Variants in TMEM178B observed in about 807,000 individuals in gnomAD.
The protein encoded by TMEM178B is transmembrane protein 178B.
TMEM178B carries 5 observed loss-of-function variants against 31.0 expected under a neutral mutation model. That is an observed-to-expected ratio of 0.16 (90% CI 0.08 to 0.34). The LOEUF (loss-of-function observed/expected upper bound fraction) is 0.34, where lower values mean the gene tolerates loss of function less well. Ranked by LOEUF, TMEM178B falls within the 10% of genes least tolerant of loss-of-function variation. TMEM178B has a pLI of 1.00. For synonymous variants in TMEM178B, 164 were observed against 164.0 expected, an observed-to-expected ratio of 1.00 and a Z score of 0.00; for missense variants, 275 against 400.3, an observed-to-expected ratio of 0.69 and a Z score of 2.67.
chr7:141,084,972 G>T (rs763715199), intron 1 of TMEM178B, among the ~76,000 whole-genome samples: 1 of 151,556 alleles, frequency 6.6e-6, no homozygotes, highest in Non-Finnish European at 1.5e-5. Flanking sequence ...TCCGCCTCCC[G>T]GGTTCAAGTG....
At chr7:141,382,948 A>G (rs993279759) in intron 2 of TMEM178B, among the ~76,000 whole-genome samples, 11 of 152,174 alleles carry the variant, frequency 7.2e-5, no homozygotes, top group African/African-American at 2.7e-4. Flanking sequence ...CCTTTCAGAT[A>G]TCTTTATCAT....
chr7:141,220,056 G>A (rs1017845504), intron 2 of TMEM178B, among the ~76,000 whole-genome samples: 8 of 152,172 alleles, frequency 5.3e-5, no homozygotes, highest in East Asian at 1.9e-4. Flanking sequence ...ATGGTGTCTC[G>A]TGCCTGAAAT....
intron 2 of TMEM178B, among the ~76,000 whole-genome samples, chr7:141,334,936 G>T (rs941421246): frequency 2.0e-5 from 3 of 152,248 alleles, no homozygotes; most frequent in African/African-American, 7.2e-5. Flanking sequence ...TCTCAATCCA[G>T]GGCAGGTCCT....
intron 2 of TMEM178B, among the ~76,000 whole-genome samples, chr7:141,419,912 A>G (rs1259898092): frequency 6.6e-6 from 1 of 152,134 alleles, no homozygotes; most frequent in Non-Finnish European, 1.5e-5. Context: ...AAACCATTAC[A>G]CAGGAGTATA....
At chr7:141,370,579 A>T (rs149365083) in intron 2 of TMEM178B, among the ~76,000 whole-genome samples, 2 of 143,732 alleles carry the variant, frequency 1.4e-5, no homozygotes, top group African/African-American at 5.4e-5. Flanking sequence ...GTTTAGACTG[A>T]TATAGTTAAG....
chr7:141,283,227 C>T (rs961032234), intron 2 of TMEM178B, among the ~76,000 whole-genome samples: 1 of 152,218 alleles, frequency 6.6e-6, no homozygotes, highest in Non-Finnish European at 1.5e-5. Context: ...TTCAAAATGC[C>T]TCTAACGTGC....
chr7:141,326,653 A>C (rs905758072), intron 2 of TMEM178B, among the ~76,000 whole-genome samples: 1 of 152,154 alleles, frequency 6.6e-6, no homozygotes, highest in Non-Finnish European at 1.5e-5. Flanking sequence ...ATGCCCCTTC[A>C]TTTACATATT....
intron 2 of TMEM178B, among the ~76,000 whole-genome samples, chr7:141,315,752 C>G (rs1798990976): frequency 6.6e-6 from 1 of 152,162 alleles, no homozygotes; most frequent in Non-Finnish European, 1.5e-5. Context: ...TGGTACAGAG[C>G]TTGACATGTG....
intron 2 of TMEM178B, among the ~76,000 whole-genome samples, chr7:141,219,337 T>A (rs1350694504): frequency 6.6e-6 from 1 of 152,196 alleles, no homozygotes; most frequent in African/African-American, 2.4e-5. Context: ...GAGGTAAACA[T>A]CCCAGACATT....
chr7:141,136,071 A>G (rs113292292), intron 1 of TMEM178B, among the ~76,000 whole-genome samples: 3,127 of 152,276 alleles, frequency 0.021, 116 homozygotes, highest in African/African-American at 0.071. Flanking sequence ...AATAGACAAA[A>G]TGATACTGAG....
At chr7:141,250,095 A>G (rs911850215) in intron 2 of TMEM178B, among the ~76,000 whole-genome samples, 3 of 152,220 alleles carry the variant, frequency 2.0e-5, no homozygotes, top group Non-Finnish European at 4.4e-5. Flanking sequence ...TTTTCTGAGC[A>G]GCTGCTGTAT....
At chr7:141,469,579 C>T (rs192420951) in intron 3 of TMEM178B, among the ~76,000 whole-genome samples, 374 of 152,282 alleles carry the variant, frequency 2.5e-3, no homozygotes, top group Admixed American at 4.1e-3. Flanking sequence ...TGACCCAGCC[C>T]AGCCTTCCCA....
intron 2 of TMEM178B, among the ~76,000 whole-genome samples, chr7:141,353,836 T>C (rs1168688095): frequency 1.3e-5 from 2 of 152,208 alleles, no homozygotes; most frequent in African/African-American, 4.8e-5. Flanking sequence ...AAGTGGAAAA[T>C]ATTAAGTTCA....
intron 1 of TMEM178B, among the ~76,000 whole-genome samples, chr7:141,082,662 G>A (rs1713270500): frequency 6.6e-6 from 1 of 152,240 alleles, no homozygotes; most frequent in South Asian, 2.1e-4. Flanking sequence ...GTAAAGAGAT[G>A]TGTTTTGAGC....
intron 1 of TMEM178B, among the ~76,000 whole-genome samples, chr7:141,211,429 A>G (rs1376444564): frequency 6.6e-6 from 1 of 152,236 alleles, no homozygotes; most frequent in Non-Finnish European, 1.5e-5. Context: ...CCCTGCTGAC[A>G]GTGGGCTAGG....
At chr7:141,338,733 G>C (rs1334701445) in intron 2 of TMEM178B, among the ~76,000 whole-genome samples, 1 of 152,170 alleles carries the variant, frequency 6.6e-6, no homozygotes, top group African/African-American at 2.4e-5. Flanking sequence ...GCAGCAGTGT[G>C]GTGGGTGGGG....
chr7:141,245,416 G>A (rs1797713528), intron 2 of TMEM178B, among the ~76,000 whole-genome samples: 1 of 152,012 alleles, frequency 6.6e-6, no homozygotes, highest in Non-Finnish European at 1.5e-5. Context: ...TTTTACACTT[G>A]CAGATAATTT....
intron 2 of TMEM178B, among the ~76,000 whole-genome samples, chr7:141,380,911 C>T (rs1800303269): frequency 6.6e-6 from 1 of 152,186 alleles, no homozygotes. Context: ...AAATATACAT[C>T]TAGAAGAAAG....
intron 3 of TMEM178B, among the ~76,000 whole-genome samples, chr7:141,441,609 G>T (rs1289565816): frequency 1.3e-5 from 2 of 152,212 alleles, no homozygotes; most frequent in Non-Finnish European, 2.9e-5. Flanking sequence ...GGCCAGGCCT[G>T]GATGTGGAGC....
Sources: allele counts gnomAD v4.1 joint callset (sites outside exome capture counted in the v4.1 genomes callset), GRCh38; gene constraint gnomAD v4.1.1; transcripts MANE v1.5; gene names NCBI Gene and HGNC (gene_info 2026-07-23, HGNC 2026-07-21).